The following LDLRAP1 variants were observed in gnomAD, a reference collection of about 807,000 sequenced individuals.
The protein encoded by LDLRAP1 is low density lipoprotein receptor adaptor protein 1, also known as low density lipoprotein receptor adapter protein 1.
In LDLRAP1, 30 loss-of-function variants were observed where a neutral mutation model predicts 37.8. The ratio of observed to expected loss-of-function variants is 0.79; its 90% CI spans 0.59 to 1.08. LDLRAP1 has a LOEUF of 1.08. Among genes scored for constraint, LDLRAP1 ranks in the 50% least tolerant of loss-of-function variants. The pLI, the probability that LDLRAP1 is intolerant of heterozygous loss-of-function variation, is 0.00. For synonymous variants in LDLRAP1, 156 were observed against 169.8 expected, an observed-to-expected ratio of 0.92 and a Z score of 0.63; for missense variants, 375 against 401.6, an observed-to-expected ratio of 0.93 and a Z score of 0.57.
chr1:25,570,635 G>A (rs571684695), downstream of LDLRAP1, among the ~76,000 whole-genome samples: 141 of 152,194 alleles, frequency 9.3e-4, no homozygotes, highest in Non-Finnish European at 6.3e-4. Flanking sequence ...CGAGGCAGGC[G>A]GATCACGAGG....
At chr1:25,570,460 T>C (rs1439075757), downstream of LDLRAP1, among the ~76,000 whole-genome samples, 1 of 152,134 alleles carries the variant, frequency 6.6e-6, no homozygotes, top group Non-Finnish European at 1.5e-5. Flanking sequence ...TCAACAAGCC[T>C]GGCTAGGGAA....
At chr1:25,575,074 G>C in the LDLRAP1 span, among the ~76,000 whole-genome samples, 1 of 152,128 alleles carries the variant, frequency 6.6e-6, no homozygotes, top group African/African-American at 2.4e-5. Context: ...TCACCGTCCC[G>C]GTCCCCAAAT....
the LDLRAP1 span, among the ~76,000 whole-genome samples, chr1:25,576,144 A>G: frequency 2.0e-5 from 3 of 152,082 alleles, no homozygotes. Context: ...AAGCAGGAAG[A>G]TCACTTGAAT....
intron 4 of LDLRAP1, among the ~76,000 whole-genome samples, chr1:25,560,929 G>A (rs140191409): frequency 4.6e-5 from 7 of 152,378 alleles, no homozygotes; most frequent in Admixed American, 4.6e-4. Context: ...CCCAGTCCCT[G>A]CCCAGCCTGG....
rs757100747 is a variant in LDLRAP1, at chr1:25,554,900, AGG to A, written c.273_274del (p.Lys91AsnfsTer18). 1.9e-6 allele frequency: 3 copies of A among 1,614,078 alleles called. No individual in the cohort carries two copies. The African/African-American group carries it at 4.0e-5, about 22-fold the overall frequency. Reference sequence around the variant, plus strand: ...AAGAAGCTGCAGAAGGTGACTCTGAAGGTGTCGCCACGGGGAATTATCCTGAC... The same window carrying A: ...AAGAAGCTGCAGAAGGTGACTCTGAATGTCGCCACGGGGAATTATCCTGAC... On this transcript the variant is annotated frameshift_variant, in exon 3 of 9. Transcript: ENST00000374338. LOFTEE classifies it high-confidence loss of function. This position sits in a 1 kb window ranked among gnomAD's most constrained non-coding sequence, Gnocchi z 5.4.
intron 5 of LDLRAP1, 166 bp downstream of exon 5, chr1:25,562,882 GA>G: frequency 3.7e-6 from 3 of 808,008 alleles, no homozygotes; most frequent in Non-Finnish European, 6.4e-6. Flanking sequence ...TGAAAAATGG[GA>G]ACAGCCGTCT....
At chr1:25,571,050 A>T (rs1218448356), downstream of LDLRAP1, among the ~76,000 whole-genome samples, 6 of 152,136 alleles carry the variant, frequency 3.9e-5, no homozygotes. Context: ...GGGATCTGGG[A>T]TTTGAACCCT....
chr1:25,552,000 C>T (rs531626782), intron 1 of LDLRAP1, among the ~76,000 whole-genome samples: 8 of 152,134 alleles, frequency 5.3e-5, no homozygotes, highest in African/African-American at 1.2e-4. Context: ...CCCTGACACC[C>T]GCACCCTCTT....
intron 1 of LDLRAP1, among the ~76,000 whole-genome samples, chr1:25,546,432 C>T (rs2043935391): frequency 6.6e-6 from 1 of 152,228 alleles, no homozygotes; most frequent in African/African-American, 2.4e-5. Context: ...CACCCAGCTT[C>T]ATGCCTGCAG....
intron 1 of LDLRAP1, 90 bp from the exon 2 acceptor site, chr1:25,553,832 G>C (rs2044134064): frequency 1.3e-6 from 2 of 1,526,578 alleles, no homozygotes; most frequent in South Asian, 1.2e-5. Context: ...CCCCTTGCTG[G>C]GGTTTCCTAG....
At chr1:25,584,613 G>T in the LDLRAP1 span, among the ~76,000 whole-genome samples, 1 of 152,222 alleles carries the variant, frequency 6.6e-6, no homozygotes, top group East Asian at 1.9e-4. Flanking sequence ...GTTGAGAGGG[G>T]TCTTGGGTGG....
At chr1:25,569,994 T>C (rs578047563), downstream of LDLRAP1, among the ~76,000 whole-genome samples, 13 of 152,356 alleles carry the variant, frequency 8.5e-5, no homozygotes, top group South Asian at 2.1e-4. Context: ...TCAGGTTCTT[T>C]CAGCCACTCT....
chr1:25,581,982 G>A, the LDLRAP1 span, among the ~76,000 whole-genome samples: 1 of 152,196 alleles, frequency 6.6e-6, no homozygotes, highest in African/African-American at 2.4e-5. Flanking sequence ...ATGGACAGAT[G>A]TGCACAGCTG....
intron 1 of LDLRAP1, among the ~76,000 whole-genome samples, chr1:25,553,112 C>T (rs533286852): frequency 6.6e-6 from 1 of 151,190 alleles, no homozygotes; most frequent in African/African-American, 2.4e-5. Flanking sequence ...CCCTGTTGGT[C>T]TCTACGGATG....
intron 4 of LDLRAP1, among the ~76,000 whole-genome samples, chr1:25,558,894 C>CT (rs1287990999): frequency 1.3e-5 from 2 of 152,208 alleles, no homozygotes; most frequent in Admixed American, 1.3e-4. Flanking sequence ...GGAAGAGGCA[C>CT]TGTAGGAGGA....
rs2044517416 is a variant in LDLRAP1 at position 25,567,555 on chromosome 1, C to T, written c.*563C>T. 4.8e-6 allele frequency: 1 copy of T among 208,886 alleles called. No individual in the cohort carries two copies. The allele number at this position is 208,886 out of a possible 1,614,324, so 12.9% of individuals were successfully genotyped here. A position where few individuals can be genotyped will look rare whatever the true frequency, so the allele number is the denominator to read the frequency against. On this transcript the variant is annotated 3_prime_UTR_variant, in exon 9 of 9. Transcript: ENST00000374338. ...GGGTTTGAGCCCTGGACCCCAGGCT[C>T]TTAGAGACTAAGGGGCAGCTCCTGA...
At chr1:25,549,340 C>T (rs1052038266) in intron 1 of LDLRAP1, among the ~76,000 whole-genome samples, 5 of 152,198 alleles carry the variant, frequency 3.3e-5, no homozygotes, top group Non-Finnish European at 2.9e-5. Context: ...GCCAGAGCCC[C>T]GGTTGGAGGC....
Position 25,557,148 on chromosome 1 carries a change from T to A in LDLRAP1, c.345-5T>A. ...GTCTGGTGATGCTTCCTCCTTGCCT[T>A]TCAGGATCTCCTATTGCACAGCAGA... On this transcript the variant is annotated splice_polypyrimidine_tract_variant and splice_region_variant and intron_variant, in intron 3 of 8. Coordinates refer to ENST00000374338, the MANE Select transcript of LDLRAP1 (RefSeq NM_015627.3). The A allele has an allele frequency of 6.2e-7, 1 of 1,611,696 alleles. No individual in the cohort carries two copies. Among genetic ancestry groups the A allele is most frequent in the Non-Finnish European group, 8.5e-7 (1 of 1,177,758 alleles).
chr1:25,553,969 A>T lies in LDLRAP1; in HGVS notation c.136A>T (p.Met46Leu). The change falls in exon 2 of 9, where the codon ATG becomes TTG. Residue 46 changes from methionine to leucine, a missense_variant. Transcript: ENST00000374338. ...CACGCGGGAGACGCTGCTGGAGGGG[A>T]TGCTGTTCAGCCTCAAGTACCTGGG... Reference protein sequence around the residue: ...TDTRETLLEGMLFSLKYLGMT... With the variant: ...TDTRETLLEGLLFSLKYLGMT... 1.9e-6 allele frequency: 3 copies of T among 1,613,996 alleles called. No individual in the cohort carries two copies. The highest frequency in any genetic ancestry group is 2.5e-6 in the Non-Finnish European group (3 of 1,179,998).
Sources: allele counts gnomAD v4.1 joint callset (sites outside exome capture counted in the v4.1 genomes callset), GRCh38; gene constraint gnomAD v4.1.1; non-coding constraint Gnocchi (gnomAD v3.1); transcripts MANE v1.5; gene names NCBI Gene and HGNC (gene_info 2026-07-23, HGNC 2026-07-21).